The following KALRN variants were observed in gnomAD, a reference collection of about 807,000 sequenced individuals.
KALRN encodes the protein kalirin.
In KALRN, 70 loss-of-function variants were observed where a neutral mutation model predicts 353.7. The observed-to-expected ratio is 0.20, with a 90% CI of 0.16 to 0.24. The LOEUF is 0.24. KALRN is among the 10% of genes least tolerant of loss of function. The probability of loss-of-function intolerance (pLI) is 1.00; values close to 1 mark genes in which losing one functional copy is unlikely to be tolerated. For missense variants in KALRN, 2,791 were observed against 3,756.7 expected (o/e 0.74, Z 6.72); for synonymous variants, 1,391 against 1,434.8 (o/e 0.97, Z 0.69).
chr3:124,394,701 C>T (rs1354603843), intron 11 of KALRN, among the ~76,000 whole-genome samples: 1 of 152,200 alleles, frequency 6.6e-6, no homozygotes, highest in Non-Finnish European at 1.5e-5. Flanking sequence ...TTGACCACCA[C>T]ATTCTTTGTG....
At chr3:124,547,581 T>C (rs145221537) in intron 33 of KALRN, among the ~76,000 whole-genome samples, 81 of 152,296 alleles carry the variant, frequency 5.3e-4, no homozygotes, top group African/African-American at 1.9e-3. Flanking sequence ...GCTAGGGTTA[T>C]AGGGCATGAG....
At chr3:124,519,748 A>T (rs915646307) in intron 33 of KALRN, 1 of 985,408 alleles carries the variant, frequency 1.0e-6, no homozygotes, top group Non-Finnish European at 1.2e-6. Flanking sequence ...TTTAAATCCA[A>T]TGGAGAACTT....
chr3:124,459,225 A>T (rs2059621976), intron 23 of KALRN, among the ~76,000 whole-genome samples: 1 of 152,218 alleles, frequency 6.6e-6, no homozygotes, highest in African/African-American at 2.4e-5. Context: ...TGAATTGTAG[A>T]TGTTAGAATG....
At chr3:124,347,001 A>G in intron 9 of KALRN, 142 bp from the exon 10 acceptor site, 1 of 1,182,708 alleles carries the variant, frequency 8.5e-7, no homozygotes. Flanking sequence ...GACTCACAGC[A>G]GATTGACCAT....
intron 50 of KALRN, chr3:124,678,521 C>CT (rs3215109): frequency 0.18 from 79,550 of 451,292 alleles, 7,651 homozygotes; most frequent in Middle Eastern, 0.24. Flanking sequence ...AAGTAAGTAC[C>CT]TTTTTTTTCT....
At chr3:124,563,350 C>A (rs998536733) in intron 34 of KALRN, among the ~76,000 whole-genome samples, 2 of 152,222 alleles carry the variant, frequency 1.3e-5, no homozygotes, top group African/African-American at 4.8e-5. Flanking sequence ...AATTAAGTAA[C>A]CTCCAAGATC....
intron 13 of KALRN, among the ~76,000 whole-genome samples, chr3:124,407,437 G>C (rs2091690634): frequency 6.6e-6 from 1 of 151,988 alleles, no homozygotes; most frequent in Non-Finnish European, 1.5e-5. Flanking sequence ...GAATGTTTAT[G>C]CAGAGAACCT....
intron 13 of KALRN, among the ~76,000 whole-genome samples, chr3:124,408,934 G>A (rs2091884661): frequency 6.6e-6 from 1 of 152,194 alleles, no homozygotes; most frequent in South Asian, 2.1e-4. Context: ...TGGATTTGGT[G>A]TATCTCATCT....
intron 57 of KALRN, among the ~76,000 whole-genome samples, chr3:124,703,904 A>C (rs2062470693): frequency 6.6e-6 from 1 of 152,140 alleles, no homozygotes; most frequent in Non-Finnish European, 1.5e-5. Flanking sequence ...TCCTGGGCTC[A>C]AGCAATCCTC....
Position 124,632,694 on chromosome 3 carries a change from C to A in KALRN, c.5457C>A (p.Ser1819Arg), listed in dbSNP as rs376017889. The change falls in exon 35 of 60, where the codon AGC (serine) becomes AGA (arginine). Residue 1819 changes from serine to arginine, a missense_variant. Physicochemically the swap from Ser to Arg is moderately radical, Grantham distance 110 (BLOSUM62 -1). Around this residue, in one of 11 missense-constraint regions of KALRN, gnomAD observed 1,065 missense variants for 1,156.4 expected, o/e 0.92. Transcript: ENST00000682506. The stretch of plus-strand genomic sequence containing the variant: ...ATGAAACAACCCCTCAGGGAGACAG[C>A]GCTGATGAGGTACTTACAGGGGGCC... ...PGDETTPQGD[S>R]ADESKKGWGE... 12 of 1,613,618 alleles carry A rather than the reference C, an allele frequency of 7.4e-6. No homozygotes were observed. The African/African-American group carries it at 1.5e-4, about 20-fold the overall frequency.
At chr3:124,036,829 T>A (rs191696509) in intron 1 of KALRN, among the ~76,000 whole-genome samples, 5 of 152,374 alleles carry the variant, frequency 3.3e-5, no homozygotes, top group Admixed American at 2.0e-4. Context: ...TTCTGTCATT[T>A]TGGTTCCTTG....
At chr3:124,700,129 C>A in intron 56 of KALRN, 96 bp downstream of exon 56, 1 of 1,166,240 alleles carries the variant, frequency 8.6e-7, no homozygotes, top group Non-Finnish European at 1.2e-6. Flanking sequence ...GTCAGGCCAC[C>A]ATGCAAGAGG....
chr3:124,621,890 A>G (rs939558327), intron 34 of KALRN, among the ~76,000 whole-genome samples: 1 of 152,254 alleles, frequency 6.6e-6, no homozygotes, highest in African/African-American at 2.4e-5. Flanking sequence ...TTATGCTGTC[A>G]ATGCTTATGA....
At chr3:124,448,536 T>C (rs1351184014) in intron 21 of KALRN, among the ~76,000 whole-genome samples, 2 of 152,226 alleles carry the variant, frequency 1.3e-5, no homozygotes, top group Non-Finnish European at 1.5e-5. Context: ...ATATTCTTTT[T>C]TGTCTATGTG....
chr3:124,091,779 A>G (rs1040322367), intron 1 of KALRN, among the ~76,000 whole-genome samples: 1 of 152,172 alleles, frequency 6.6e-6, no homozygotes, highest in African/African-American at 2.4e-5. Flanking sequence ...ATGATGAAAG[A>G]AGGAGCCACT....
intron 10 of KALRN, among the ~76,000 whole-genome samples, chr3:124,366,872 CGGGCGGGGGGCTG>C (rs2084812497): frequency 7.5e-6 from 1 of 133,184 alleles, no homozygotes; most frequent in African/African-American, 3.3e-5. Context: ...GGCGGCTGGC[CGGGCGGGGGGCTG>C]ACCCCCCCAC....
intron 9 of KALRN, among the ~76,000 whole-genome samples, chr3:124,344,588 G>A (rs2149531849): frequency 6.6e-6 from 1 of 152,302 alleles, no homozygotes; most frequent in Non-Finnish European, 1.5e-5. Flanking sequence ...GATTACTAAA[G>A]TAATTTTGTT....
At chr3:124,110,126 G>T (rs1578159354) in intron 1 of KALRN, among the ~76,000 whole-genome samples, 1 of 2,784 alleles carries the variant, frequency 3.6e-4, no homozygotes, top group Non-Finnish European at 6.9e-4. Flanking sequence ...ATATATATAT[G>T]ACATATATGT....
At chr3:124,054,058 C>T (rs777534708) in intron 1 of KALRN, among the ~76,000 whole-genome samples, 4 of 152,212 alleles carry the variant, frequency 2.6e-5, no homozygotes, top group Non-Finnish European at 4.4e-5. Context: ...GCCACAGAGC[C>T]TGCACCTGGA....
Sources: allele counts gnomAD v4.1 joint callset (sites outside exome capture counted in the v4.1 genomes callset), GRCh38; gene constraint gnomAD v4.1.1; regional missense constraint gnomAD v4.1.1; transcripts MANE v1.5; gene names NCBI Gene and HGNC (gene_info 2026-07-23, HGNC 2026-07-21).